The following C6 variants were observed in gnomAD, a reference collection of about 807,000 sequenced individuals.
C6 encodes complement component C6.
In C6, 101 loss-of-function variants were observed where a neutral mutation model predicts 112.9. That is an observed-to-expected ratio of 0.89 (90% CI 0.76 to 1.06). The LOEUF is 1.06. Ranked by LOEUF, C6 falls within the 50% of genes least tolerant of loss-of-function variation. The pLI is 0.00. For synonymous variants in C6, 431 were observed against 384.1 expected (o/e 1.12, Z -1.43); for missense variants, 1,202 against 1,104.6 (o/e 1.09, Z -1.25).
intron 1 of C6, among the ~76,000 whole-genome samples, chr5:41,229,690 C>G (rs942351890): frequency 2.0e-5 from 3 of 151,954 alleles, no homozygotes; most frequent in Non-Finnish European, 1.5e-5. Flanking sequence ...CCTTTAAGGT[C>G]CATTTAATCT....
chr5:41,242,990 C>G (rs1352374678), intron 1 of C6, among the ~76,000 whole-genome samples: 6 of 151,674 alleles, frequency 4.0e-5, no homozygotes, highest in Non-Finnish European at 8.8e-5. Context: ...GTTGCAGAGG[C>G]TGGGGATGGG....
At position 41,189,820 on chromosome 5, in the gene C6, T is replaced by C. The variant is rs534231770; in HGVS notation, c.588-3612A>G. ...TAACCCTTATTCTAATCTACTTGTATGAGATCAACTTTTTAAGCTTCTGCA... is the reference window on the plus strand; with the variant it reads ...TAACCCTTATTCTAATCTACTTGTACGAGATCAACTTTTTAAGCTTCTGCA... On this transcript the variant is annotated intron_variant, in intron 5 of 17. Coordinates refer to ENST00000337836, the MANE Select transcript of C6 (RefSeq NM_000065.5). Among the ~76,000 whole-genome samples, 16 of 152,258 alleles carry C rather than the reference T, an allele frequency of 1.1e-4. No homozygotes were observed. The East Asian group carries it at 2.3e-3, about 22-fold the overall frequency.
chr5:41,201,408 G>T, intron 3 of C6, 150 bp downstream of exon 3: 1 of 795,022 alleles, frequency 1.3e-6, no homozygotes, highest in Non-Finnish European at 2.1e-6. Context: ...CCCCACAAAA[G>T]TGCTAAATGG....
intron 9 of C6, among the ~76,000 whole-genome samples, chr5:41,163,858 T>C (rs1303137178): frequency 6.6e-6 from 1 of 152,160 alleles, no homozygotes; most frequent in African/African-American, 2.4e-5. Context: ...TTAACTGAAA[T>C]AGCTCAGGGT....
chr5:41,185,283 T>C (rs1749680961), intron 6 of C6, among the ~76,000 whole-genome samples: 1 of 152,212 alleles, frequency 6.6e-6, no homozygotes, highest in Non-Finnish European at 1.5e-5. Context: ...CCTGTATTTA[T>C]ATGTATATAA....
intron 14 of C6, among the ~76,000 whole-genome samples, chr5:41,154,487 C>CT (rs1169861265): frequency 6.6e-6 from 1 of 152,218 alleles, no homozygotes; most frequent in Non-Finnish European, 1.5e-5. Flanking sequence ...TGTGCAGAGC[C>CT]TAAAGCTCAT....
chr5:41,174,306 C>T (rs1748666714), intron 8 of C6, among the ~76,000 whole-genome samples: 1 of 152,144 alleles, frequency 6.6e-6, no homozygotes, highest in African/African-American at 2.4e-5. Flanking sequence ...TACTGCAGTA[C>T]CTCATCTCTT....
chr5:41,162,672 T>C (rs1747632756), intron 9 of C6, among the ~76,000 whole-genome samples: 1 of 152,172 alleles, frequency 6.6e-6, no homozygotes, highest in African/African-American at 2.4e-5. Flanking sequence ...GTTAGTGGCA[T>C]TAATTTGGTG....
At position 41,222,968 on chromosome 5, in the gene C6, T is replaced by C. The variant is rs539169921; in HGVS notation, c.-20-19718A>G. Among the ~76,000 whole-genome samples, 11 of 152,330 alleles carry C rather than the reference T, an allele frequency of 7.2e-5. No homozygotes were observed. In the East Asian group the frequency reaches 2.1e-3, roughly 29 times the overall value. ...GAAACTTTCCCTATCCCCTCTTCCA[T>C]TTTAAACTTAAATATGCTTAAATTC... On this transcript the variant is annotated intron_variant, in intron 1 of 17. Coordinates refer to the C6 transcript ENST00000263413.
chr5:41,257,106 C>T (rs1193796016), intron 1 of C6, among the ~76,000 whole-genome samples: 2 of 151,812 alleles, frequency 1.3e-5, no homozygotes, highest in African/African-American at 2.4e-5. Flanking sequence ...CACGGGGGTT[C>T]GGTGTACAGA....
At position 41,181,474 on chromosome 5, in the gene C6, A is replaced by G; in HGVS notation, c.812T>C (p.Phe271Ser). 1 of 1,613,764 alleles carries G rather than the reference A, an allele frequency of 6.2e-7. No individual in the cohort carries two copies. ...LGHNENQQGS[F>S]SSQGGSSFSV... ...GAAAGAGCTCCCCCCCTGACTTGAG[A>G]ATGAGCCTTGTTGATTTTCATTGTG... Residue 271 changes from phenylalanine to serine, a missense_variant, in exon 7 of 18, where the codon TTC becomes TCC. Physicochemically the swap from Phe to Ser is radical, Grantham distance 155. Transcript: ENST00000337836.
chr5:41,143,077 C>T, intron 17 of C6, 71 bp from the exon 18 acceptor site: 5 of 1,426,912 alleles, frequency 3.5e-6, no homozygotes, highest in Non-Finnish European at 4.9e-6. Flanking sequence ...CTAAATCATC[C>T]CCAGGGTGGC....
chr5:41,212,025 G>A (rs10512765), intron 1 of C6, among the ~76,000 whole-genome samples: 10,329 of 152,178 alleles, frequency 0.068, 502 homozygotes, highest in African/African-American at 0.14. Flanking sequence ...AGGCAATATG[G>A]AGCCTGATAT....
intron 1 of C6, among the ~76,000 whole-genome samples, chr5:41,248,257 G>A (rs1253744803): frequency 6.6e-6 from 1 of 152,178 alleles, no homozygotes; most frequent in African/African-American, 2.4e-5. Flanking sequence ...CTGGACCTCA[G>A]CCTTGGGAAA....
At chr5:41,162,201 C>T (rs2150273996) in intron 9 of C6, among the ~76,000 whole-genome samples, 1 of 152,268 alleles carries the variant, frequency 6.6e-6, no homozygotes. Flanking sequence ...CACATGGTTA[C>T]TAAGAGACAG....
At chr5:41,148,863 A>G (rs1329794857) in intron 17 of C6, among the ~76,000 whole-genome samples, 1 of 152,192 alleles carries the variant, frequency 6.6e-6, no homozygotes, top group East Asian at 1.9e-4. Flanking sequence ...CCTGGACAGC[A>G]CTATTGGCCT....
At chr5:41,185,986 T>C (rs1372686874) in intron 6 of C6, 84 bp downstream of exon 6, 6 of 1,528,346 alleles carry the variant, frequency 3.9e-6, no homozygotes, top group Middle Eastern at 1.7e-4. Context: ...ATTCTGTCCC[T>C]TCATTCATCA....
intron 1 of C6, among the ~76,000 whole-genome samples, chr5:41,205,387 G>T (rs7714193): frequency 0.025 from 3,823 of 152,258 alleles, 159 homozygotes; most frequent in African/African-American, 0.088. Flanking sequence ...GACAGTGGGC[G>T]CAGTCCATGG....
rs113091928 is a variant in C6, at chr5:41,205,713, G to C, written c.-20-2463C>G. Among the ~76,000 whole-genome samples the C allele has an allele frequency of 7.9e-3, 1,198 of 152,310 alleles. 18 individuals carry two copies. The highest frequency in any genetic ancestry group is 0.027 in the African/African-American group (1,121 of 41,564). ...GCTGAGGCTTGAGTAGGTAAACAAA[G>C]CAGCTGGGAATCTCGAACCTGGTGG... On this transcript the variant is annotated intron_variant, in intron 1 of 17. Transcript: ENST00000337836.
Sources: gnomAD v4.1 joint callset for allele counts (sites outside exome capture counted in the v4.1 genomes callset) on GRCh38, gnomAD v4.1.1 for gene constraint, MANE v1.5 for transcripts, NCBI Gene and HGNC (gene_info 2026-07-23, HGNC 2026-07-21) for gene names.